The following PSMG2 variants were observed in gnomAD, a reference collection of about 807,000 sequenced individuals.
PSMG2 encodes proteasome assembly chaperone 2.
In PSMG2, 21 loss-of-function variants were observed where a neutral mutation model predicts 31.5. The ratio of observed to expected loss-of-function variants is 0.67; its 90% CI spans 0.47 to 0.96. PSMG2 has a LOEUF of 0.96. Ranked by LOEUF, PSMG2 falls within the 40% of genes least tolerant of loss-of-function variation. PSMG2 has a pLI of 0.00. For synonymous variants in PSMG2, 120 were observed against 110.4 expected (o/e 1.09, Z -0.54); for missense variants, 318 against 321.2 (o/e 0.99, Z 0.08).
Position 12,717,489 on chromosome 18 carries a change from C to T in PSMG2, c.289-1028C>T, listed in dbSNP as rs535320251. Among the ~76,000 whole-genome samples the T allele has an allele frequency of 2.2e-4, 34 of 152,322 alleles. No individual in the cohort carries two copies. In the South Asian group the frequency reaches 4.8e-3, roughly 21 times the overall value. On this transcript the variant is annotated intron_variant, in intron 3 of 6. Transcript: ENST00000317615. ...TATGCGCGTACACAGTTTCCTTCTT[C>T]GAAACAATCCAGAAGTAGGCTAGCA...
intron 1 of PSMG2, among the ~76,000 whole-genome samples, chr18:12,664,833 G>T (rs1423798861): frequency 6.6e-6 from 1 of 151,724 alleles, no homozygotes; most frequent in East Asian, 2.0e-4. Flanking sequence ...TGAGTAGCTA[G>T]GATTACAGGC....
intron 1 of PSMG2, chr18:12,686,471 A>T: frequency 1.3e-6 from 2 of 1,545,342 alleles, no homozygotes; most frequent in Non-Finnish European, 1.8e-6. Context: ...GGGGAAAAAC[A>T]TCTGTAATGA....
chr18:12,690,734 C>T (rs1003495121), intron 1 of PSMG2, among the ~76,000 whole-genome samples: 10 of 152,124 alleles, frequency 6.6e-5, no homozygotes, highest in Admixed American at 2.6e-4. Flanking sequence ...GGATTACAGG[C>T]GTGAGCCACC....
chr18:12,671,033 T>G (rs1325453650), intron 1 of PSMG2: 1 of 152,158 alleles, frequency 6.6e-6, no homozygotes, highest in African/African-American at 2.4e-5. Context: ...TGATGAAAAT[T>G]GTAGAAGAGG....
chr18:12,686,114 C>T, intron 1 of PSMG2: 2 of 501,034 alleles, frequency 4.0e-6, no homozygotes, highest in Non-Finnish European at 6.8e-6. Context: ...TTTTGATCTG[C>T]AGTTGGTTGA....
chr18:12,699,829 C>T, upstream of PSMG2: 1 of 1,510,052 alleles, frequency 6.6e-7, no homozygotes, highest in Non-Finnish European at 9.0e-7. Context: ...AATATACATA[C>T]TTTTTTTTAA....
intron 1 of PSMG2, chr18:12,678,419 G>A (rs768627406): frequency 1.2e-6 from 2 of 1,612,576 alleles, no homozygotes; most frequent in East Asian, 2.2e-5. Context: ...AGGTTCATCA[G>A]GATTGGTAGG....
At chr18:12,703,278 T>C in intron 1 of PSMG2, 114 bp downstream of exon 1, 1 of 1,212,500 alleles carries the variant, frequency 8.2e-7, no homozygotes, top group East Asian at 2.8e-5. Context: ...AGTTTCTATT[T>C]CATGTTTTCG....
chr18:12,670,449 T>C (rs1315019888), intron 1 of PSMG2: 1 of 152,202 alleles, frequency 6.6e-6, no homozygotes, highest in African/African-American at 2.4e-5. Context: ...AGCATATTTA[T>C]TACAGAGTTT....
intron 1 of PSMG2, among the ~76,000 whole-genome samples, chr18:12,687,033 G>A (rs2039563658): frequency 6.6e-6 from 1 of 152,154 alleles, no homozygotes; most frequent in African/African-American, 2.4e-5. Context: ...TCCTGGTGTT[G>A]GTGCTGAATA....
At chr18:12,702,614 C>G (rs888272839), upstream of PSMG2, 40 of 1,538,720 alleles carry the variant, frequency 2.6e-5, no homozygotes, top group Non-Finnish European at 3.4e-5. Context: ...CGGCCCCGGC[C>G]GGGCCAGGGA....
At chr18:12,723,770 T>C (rs1451149534) in intron 5 of PSMG2, among the ~76,000 whole-genome samples, 1 of 152,220 alleles carries the variant, frequency 6.6e-6, no homozygotes, top group Non-Finnish European at 1.5e-5. Context: ...GTCACTGTTT[T>C]AAGCATTTTG....
intron 1 of PSMG2, among the ~76,000 whole-genome samples, chr18:12,688,314 C>CAA (rs567433777): frequency 1.3e-3 from 202 of 150,574 alleles, no homozygotes; most frequent in African/African-American, 4.7e-3. Context: ...CTAAAAAGTT[C>CAA]AAAAAGCATC....
Position 12,713,319 on chromosome 18 carries a change from G to A in PSMG2, c.288+559G>A, listed in dbSNP as rs141052441. Among the ~76,000 whole-genome samples, 284 of 152,244 alleles carry A rather than the reference G, an allele frequency of 1.9e-3. 1 individual carries two copies. Among genetic ancestry groups the A allele is most frequent in the African/African-American group, 6.4e-3 (267 of 41,542 alleles). ...AATTGTGATCCAGGAAAAGGGGCTC[G>A]CTTCCTGATGCACTGTGACACCAGG... is the stretch of plus-strand genomic sequence containing the variant. On this transcript the variant is annotated intron_variant, in intron 3 of 6. Transcript: ENST00000317615.
intron 2 of PSMG2, among the ~76,000 whole-genome samples, chr18:12,707,677 G>A (rs2040283832): frequency 6.6e-6 from 1 of 152,182 alleles, no homozygotes; most frequent in African/African-American, 2.4e-5. Flanking sequence ...CATGAAGCAT[G>A]GGAGCACCCA....
chr18:12,668,086 G>A (rs1487028434), intron 1 of PSMG2, among the ~76,000 whole-genome samples: 5 of 151,926 alleles, frequency 3.3e-5, no homozygotes, highest in Admixed American at 1.3e-4. Flanking sequence ...CCAACATGGT[G>A]AGACCCTGTC....
intron 1 of PSMG2, among the ~76,000 whole-genome samples, chr18:12,662,669 C>T (rs1234345263): frequency 6.6e-6 from 1 of 152,092 alleles, no homozygotes; most frequent in Admixed American, 6.6e-5. Context: ...CCCAGCTGCT[C>T]GGAAGGCTGA....
chr18:12,673,351 T>C (rs1598612908), intron 1 of PSMG2: 3 of 1,596,110 alleles, frequency 1.9e-6, no homozygotes, highest in East Asian at 2.3e-5. Flanking sequence ...ATAAATCTTA[T>C]ATAAATATTG....
At chr18:12,693,802 C>T (rs1387654054) in intron 1 of PSMG2, among the ~76,000 whole-genome samples, 1 of 151,970 alleles carries the variant, frequency 6.6e-6, no homozygotes, top group African/African-American at 2.4e-5. Flanking sequence ...ACAAAAAAAC[C>T]CCTCACGTAT....
Sources: allele counts gnomAD v4.1 joint callset (sites outside exome capture counted in the v4.1 genomes callset), GRCh38; gene constraint gnomAD v4.1.1; transcripts MANE v1.5; gene names NCBI Gene and HGNC (gene_info 2026-07-23, HGNC 2026-07-21).